The following SDK1 variants were observed in gnomAD, a reference collection of about 807,000 sequenced individuals.
SDK1 encodes protein sidekick-1.
A neutral mutation model predicts 245.5 loss-of-function variants in SDK1; 157 were observed. The ratio of observed to expected loss-of-function variants is 0.64; its 90% CI spans 0.56 to 0.73. SDK1 has a LOEUF of 0.73. Among genes scored for constraint, SDK1 ranks in the 30% least tolerant of loss-of-function variants. The pLI is 0.00. For missense variants in SDK1, 3,583 were observed against 3,002.3 expected, an observed-to-expected ratio of 1.19 and a Z score of -4.52; for synonymous variants, 1,647 against 1,278.5, an observed-to-expected ratio of 1.29 and a Z score of -6.15.
intron 1 of SDK1, among the ~76,000 whole-genome samples, chr7:3,344,809 A>C (rs1780450912): frequency 3.3e-5 from 5 of 152,308 alleles, no homozygotes; most frequent in Admixed American, 2.6e-4. Flanking sequence ...TGAACGTAAA[A>C]GTTCAGCAGT....
At chr7:3,759,397 G>C (rs1309709192) in intron 4 of SDK1, among the ~76,000 whole-genome samples, 1 of 152,046 alleles carries the variant, frequency 6.6e-6, no homozygotes, top group Non-Finnish European at 1.5e-5. Context: ...GGAGAGCCAT[G>C]TCCTATAAGA....
chr7:3,426,866 A>G (rs568964105), intron 1 of SDK1, among the ~76,000 whole-genome samples: 13 of 152,336 alleles, frequency 8.5e-5, no homozygotes, highest in African/African-American at 3.1e-4. Flanking sequence ...AATCCCTGTC[A>G]TGGTTTTCTG....
chr7:3,835,719 T>TA (rs1228025176), intron 5 of SDK1, among the ~76,000 whole-genome samples: 3 of 152,158 alleles, frequency 2.0e-5, no homozygotes, highest in Non-Finnish European at 2.9e-5. Context: ...CACTAAGCAT[T>TA]ATAGGCATTG....
intron 1 of SDK1, among the ~76,000 whole-genome samples, chr7:3,453,217 G>T (rs1374078083): frequency 1.3e-5 from 2 of 152,168 alleles, no homozygotes; most frequent in Admixed American, 1.3e-4. Flanking sequence ...TTGCACTGTG[G>T]GAGTTTCCTG....
intron 19 of SDK1, 66 bp downstream of exon 19, chr7:4,051,896 C>G: frequency 1.4e-6 from 2 of 1,441,800 alleles, no homozygotes; most frequent in Non-Finnish European, 1.9e-6. Context: ...CTGCAACTTC[C>G]AGAATCAGGC....
chr7:3,511,179 T>C (rs1379690967), intron 1 of SDK1, among the ~76,000 whole-genome samples: 2 of 152,206 alleles, frequency 1.3e-5, no homozygotes, highest in Non-Finnish European at 2.9e-5. Context: ...CTGCTCACCA[T>C]AGTCTGTGTT....
intron 4 of SDK1, among the ~76,000 whole-genome samples, chr7:3,807,902 T>C (rs898953335): frequency 1.3e-5 from 2 of 152,180 alleles, no homozygotes; most frequent in East Asian, 3.8e-4. Context: ...GCCAACTGTA[T>C]GTACCAATCA....
chr7:4,255,850 C>T (rs969663664), intron 44 of SDK1, among the ~76,000 whole-genome samples: 9 of 151,772 alleles, frequency 5.9e-5, no homozygotes, highest in South Asian at 2.1e-4. Flanking sequence ...TGAGATTTAG[C>T]GCAGATCTTG....
chr7:3,976,008 G>A (rs1319052131), intron 13 of SDK1, among the ~76,000 whole-genome samples: 108 of 4,540 alleles, frequency 0.024, no homozygotes, highest in African/African-American at 0.061. Flanking sequence ...AGGCTGCCAC[G>A]CAGAGGATCC....
At chr7:4,060,787 G>C (rs1779488879) in intron 19 of SDK1, among the ~76,000 whole-genome samples, 1 of 152,072 alleles carries the variant, frequency 6.6e-6, no homozygotes, top group African/African-American at 2.4e-5. Flanking sequence ...CTAACGTTTA[G>C]GTCTTTAATC....
At chr7:3,542,148 A>G (rs985035702) in intron 1 of SDK1, among the ~76,000 whole-genome samples, 1 of 152,228 alleles carries the variant, frequency 6.6e-6, no homozygotes, top group Non-Finnish European at 1.5e-5. Flanking sequence ...CAAACTGTAG[A>G]ATTTTAATTC....
chr7:3,664,514 G>A (rs1050913417), intron 4 of SDK1, among the ~76,000 whole-genome samples: 4 of 152,218 alleles, frequency 2.6e-5, no homozygotes, highest in African/African-American at 9.6e-5. Flanking sequence ...CGAGGTGGGT[G>A]GATCACTTGA....
Position 3,636,445 on chromosome 7 carries a change from A to G in SDK1, c.459-2559A>G, listed in dbSNP as rs140059809. The stretch of plus-strand genomic sequence containing the variant: ...CTGGACTATTTTACATTCCTCTTAT[A>G]AGTGGTATCAGGTAGGATTTGTTCT... On this transcript the variant is annotated intron_variant, in intron 2 of 44. Transcript: ENST00000404826. Among the ~76,000 whole-genome samples, 91 of 152,200 alleles carry G rather than the reference A, an allele frequency of 6.0e-4. 1 individual carries two copies. In the East Asian group the frequency reaches 0.017, roughly 28 times the overall value.
chr7:3,560,601 G>A (rs1206817933), intron 1 of SDK1, among the ~76,000 whole-genome samples: 2 of 151,976 alleles, frequency 1.3e-5, no homozygotes, highest in African/African-American at 4.8e-5. Context: ...GTTTTCCCTT[G>A]CACCCCACAG....
intron 19 of SDK1, among the ~76,000 whole-genome samples, chr7:4,065,800 C>T (rs951347539): frequency 1.1e-4 from 15 of 140,112 alleles, no homozygotes; most frequent in African/African-American, 3.6e-4. Context: ...ACTCAGTGCT[C>T]GGTATGGAAT....
intron 1 of SDK1, among the ~76,000 whole-genome samples, chr7:3,484,366 G>A (rs909752124): frequency 2.0e-5 from 3 of 152,116 alleles, no homozygotes; most frequent in African/African-American, 7.2e-5. Context: ...GGGCTGACTT[G>A]TTGAATATGA....
chr7:3,656,195 A>G (rs980424861), intron 4 of SDK1, among the ~76,000 whole-genome samples: 2 of 152,114 alleles, frequency 1.3e-5, no homozygotes, highest in African/African-American at 4.8e-5. Flanking sequence ...TGCCCCCTCC[A>G]TCCTTCCCTT....
intron 4 of SDK1, among the ~76,000 whole-genome samples, chr7:3,769,664 A>G (rs964330531): frequency 6.6e-6 from 1 of 152,176 alleles, no homozygotes; most frequent in African/African-American, 2.4e-5. Flanking sequence ...GGACATTGAT[A>G]AAATCTACCA....
At chr7:3,323,661 T>G (rs546958361) in intron 1 of SDK1, among the ~76,000 whole-genome samples, 13 of 152,276 alleles carry the variant, frequency 8.5e-5, no homozygotes, top group African/African-American at 2.9e-4. Context: ...ATGCTTTGAG[T>G]ATTTCTGACT....
Sources: gnomAD v4.1 joint callset for allele counts (sites outside exome capture counted in the v4.1 genomes callset) on GRCh38, gnomAD v4.1.1 for gene constraint, MANE v1.5 for transcripts, NCBI Gene and HGNC (gene_info 2026-07-23, HGNC 2026-07-21) for gene names.